Variants in DYNLL1 observed in about 807,000 individuals in gnomAD.
DYNLL1 encodes dynein light chain LC8-type 1.
A neutral mutation model predicts 10.1 loss-of-function variants in DYNLL1; 3 were observed. The observed-to-expected ratio is 0.30, with a 90% CI of 0.14 to 0.77. The LOEUF is 0.77. Among genes scored for constraint, DYNLL1 ranks in the 30% least tolerant of loss-of-function variants. The pLI, the probability that DYNLL1 is intolerant of heterozygous loss-of-function variation, is 0.66. For synonymous variants in DYNLL1, 46 were observed against 41.2 expected, an observed-to-expected ratio of 1.12 and a Z score of -0.45; for missense variants, 47 against 111.7, an observed-to-expected ratio of 0.42 and a Z score of 2.61.
At chr12:120,471,813 G>A (rs147487941) in intron 1 of DYNLL1, among the ~76,000 whole-genome samples, 1 of 151,934 alleles carries the variant, frequency 6.6e-6, no homozygotes. Flanking sequence ...GGGTTTCACC[G>A]TGTTAGCCAG....
At chr12:120,496,254 C>T (rs995728851) in intron 1 of DYNLL1, 38 bp downstream of exon 1, 11 of 1,063,518 alleles carry the variant, frequency 1.0e-5, no homozygotes, top group East Asian at 2.6e-5. Context: ...TCCTCGCTGC[C>T]TTATTTCGCC....
chr12:120,496,321 G>A, intron 1 of DYNLL1, 95 bp from the exon 2 acceptor site: 8 of 1,523,192 alleles, frequency 5.3e-6, no homozygotes, highest in Non-Finnish European at 7.1e-6. Flanking sequence ...GGGGTGGGGG[G>A]CGTCGTCCCG....
intron 2 of DYNLL1, chr12:120,497,382 C>T (rs1242931189): frequency 6.6e-6 from 1 of 152,566 alleles, no homozygotes; most frequent in Non-Finnish European, 1.5e-5. Context: ...GTTCCTACAA[C>T]TTGCTAACCT....
upstream of DYNLL1, among the ~76,000 whole-genome samples, chr12:120,493,487 G>A (rs1879185638): frequency 6.6e-6 from 1 of 150,950 alleles, no homozygotes; most frequent in Middle Eastern, 3.4e-3. Context: ...CTCCAGTCTG[G>A]GCGACAGAGT....
chr12:120,497,870 A>C (rs1868507743), intron 2 of DYNLL1: 1 of 577,626 alleles, frequency 1.7e-6, no homozygotes, highest in African/African-American at 1.9e-5. Flanking sequence ...CTCAGCCTCC[A>C]TTCCCATCTT....
Position 120,496,139 on chromosome 12 carries a change from G to A in DYNLL1, c.-84G>A. Reference sequence around the variant, plus strand: ...GATGCGCCACGGTTTCGGTAGCGACGGTATCTCTAGCCGGGCCTGAGCTGT... The same window carrying A: ...GATGCGCCACGGTTTCGGTAGCGACAGTATCTCTAGCCGGGCCTGAGCTGT... On this transcript the variant is annotated 5_prime_UTR_variant, in exon 1 of 3. Transcript: ENST00000242577. The A allele has an allele frequency of 1.9e-6, 1 of 530,526 alleles. No homozygotes were observed. The highest frequency in any genetic ancestry group is 2.3e-5 in the South Asian group (1 of 44,410). The allele number at this position is 530,526 out of a possible 1,614,324, so 32.9% of individuals were successfully genotyped here.
chr12:120,486,974 CTT>C (rs530890471), intron 1 of DYNLL1, among the ~76,000 whole-genome samples: 41 of 132,788 alleles, frequency 3.1e-4, no homozygotes, highest in Admixed American at 5.3e-4. Flanking sequence ...ACAGGAGAAT[CTT>C]TTTTTTTTTT....
intron 1 of DYNLL1, among the ~76,000 whole-genome samples, chr12:120,478,116 T>TG (rs1194706742): frequency 1.4e-5 from 2 of 147,916 alleles, no homozygotes; most frequent in South Asian, 4.3e-4. Context: ...TTGTTGTTGT[T>TG]TTTTTTTTTG....
chr12:120,482,318 C>T (rs539274275), intron 1 of DYNLL1, among the ~76,000 whole-genome samples: 1 of 136,284 alleles, frequency 7.3e-6, no homozygotes, highest in African/African-American at 2.7e-5. Flanking sequence ...ACTAGATTTG[C>T]CAAAACAATT....
chr12:120,477,629 G>C (rs1878784875), intron 1 of DYNLL1, among the ~76,000 whole-genome samples: 1 of 151,874 alleles, frequency 6.6e-6, no homozygotes, highest in Non-Finnish European at 1.5e-5. Flanking sequence ...AATAAAAAAA[G>C]CTGGGTGTGA....
At chr12:120,497,847 G>A (rs563521064) in intron 2 of DYNLL1, 23 of 533,176 alleles carry the variant, frequency 4.3e-5, no homozygotes, top group Non-Finnish European at 6.6e-5. Flanking sequence ...CTGACCTTTC[G>A]TCCTTTGACC....
chr12:120,479,473 A>G (rs1878837165), intron 1 of DYNLL1, among the ~76,000 whole-genome samples: 1 of 111,276 alleles, frequency 9.0e-6, no homozygotes, highest in East Asian at 2.2e-4. Flanking sequence ...AAAAAAAATA[A>G]TAATAATAAT....
chr12:120,492,770 G>C (rs1879162796), upstream of DYNLL1, among the ~76,000 whole-genome samples: 1 of 152,150 alleles, frequency 6.6e-6, no homozygotes, highest in Non-Finnish European at 1.5e-5. The surrounding 1 kb of genome is among the most constrained non-coding windows in gnomAD (Gnocchi z 4.1). Flanking sequence ...AAGTTTATCA[G>C]GCAGGAGTAG....
At chr12:120,484,065 CAG>C (rs1305175580) in intron 1 of DYNLL1, among the ~76,000 whole-genome samples, 1 of 152,020 alleles carries the variant, frequency 6.6e-6, no homozygotes, top group Non-Finnish European at 1.5e-5. Flanking sequence ...GAATCGGGGA[CAG>C]GGAGTACAGA....
intron 1 of DYNLL1, among the ~76,000 whole-genome samples, chr12:120,472,801 T>C (rs1022970164): frequency 3.3e-5 from 5 of 152,206 alleles, no homozygotes; most frequent in Admixed American, 3.3e-4. Flanking sequence ...ACAGGCTTCT[T>C]GGATTAGATA....
upstream of DYNLL1, among the ~76,000 whole-genome samples, chr12:120,494,183 C>G (rs1430935631): frequency 3.3e-5 from 5 of 151,998 alleles, no homozygotes; most frequent in Non-Finnish European, 2.9e-5. Context: ...TATAACTCCT[C>G]AAACCCTGAA....
At chr12:120,492,236 T>G (rs762319520), upstream of DYNLL1, 1 of 152,228 alleles carries the variant, frequency 6.6e-6, no homozygotes, top group African/African-American at 2.4e-5. The surrounding 1 kb of genome is among the most constrained non-coding windows in gnomAD (Gnocchi z 4.1). Flanking sequence ...CTACTATTTA[T>G]TATACCGTGG....
intron 1 of DYNLL1, among the ~76,000 whole-genome samples, chr12:120,483,029 CA>C (rs1458158081): frequency 1.1e-4 from 16 of 152,034 alleles, no homozygotes; most frequent in Admixed American, 4.6e-4. Flanking sequence ...GAAAACAGAG[CA>C]AGACCTCATC....
chr12:120,485,889 A>G (rs1370142408), intron 1 of DYNLL1, among the ~76,000 whole-genome samples: 1 of 150,346 alleles, frequency 6.7e-6, no homozygotes, highest in African/African-American at 2.4e-5. Flanking sequence ...TAGGTATTAT[A>G]TGATATGAAT....
Sources: allele counts gnomAD v4.1 joint callset (sites outside exome capture counted in the v4.1 genomes callset), GRCh38; gene constraint gnomAD v4.1.1; non-coding constraint Gnocchi (gnomAD v3.1); transcripts MANE v1.5; gene names NCBI Gene and HGNC (gene_info 2026-07-23, HGNC 2026-07-21).